SYNRG: variants seen among roughly 807,000 people sequenced by gnomAD.
SYNRG encodes synergin gamma.
Under a neutral mutation model 130.9 loss-of-function variants are expected in SYNRG, and 37 were observed. The ratio of observed to expected loss-of-function variants is 0.28; its 90% confidence interval spans 0.22 to 0.37. SYNRG has a LOEUF of 0.37. SYNRG is among the 10% of genes least tolerant of loss of function. The pLI is 1.00. For synonymous variants in SYNRG, 539 were observed against 568.1 expected (o/e 0.95, Z 0.73); for missense variants, 1,338 against 1,588.9 (o/e 0.84, Z 2.68).
chr17:37,588,595 T>C (rs1163656350), intron 3 of SYNRG, among the ~76,000 whole-genome samples: 2 of 152,216 alleles, frequency 1.3e-5, no homozygotes, highest in Non-Finnish European at 2.9e-5. Context: ...TTTCTAGCAC[T>C]GTACAACTGG....
At position 37,518,474 on chromosome 17, in the gene SYNRG, T is replaced by C. The variant is rs995059151; in HGVS notation, c.*466A>G. 5.8e-5 allele frequency: 9 copies of C among 154,980 alleles called. No homozygotes were observed. The highest frequency in any genetic ancestry group is 1.9e-4 in the African/African-American group (8 of 41,492). The allele number at this position is 154,980 out of a possible 1,614,324, so 9.6% of individuals were successfully genotyped here. A position where few individuals can be genotyped will look rare whatever the true frequency, so the allele number is the denominator to read the frequency against. On this transcript the variant is annotated 3_prime_UTR_variant, in exon 22 of 22. Transcript: ENST00000612223. ...GCAGAACATCAGTTTAATCGCAATT[T>C]CCTCTTTTTATTCATTTCAGACATT...
At chr17:37,586,581 C>A (rs1489388320) in intron 3 of SYNRG, 32 bp from the exon 4 acceptor site, 2 of 1,610,874 alleles carry the variant, frequency 1.2e-6, no homozygotes, top group East Asian at 2.2e-5. Flanking sequence ...TTAAAAAACA[C>A]AATTTATCCC....
At chr17:37,589,031 T>C (rs879562056) in intron 3 of SYNRG, among the ~76,000 whole-genome samples, 2 of 152,198 alleles carry the variant, frequency 1.3e-5, no homozygotes, top group Non-Finnish European at 2.9e-5. Context: ...TACTAGTCTT[T>C]AATTATATAC....
intron 13 of SYNRG, 118 bp from the exon 14 acceptor site, chr17:37,554,177 TTAA>T: frequency 1.2e-6 from 1 of 842,530 alleles, no homozygotes. Flanking sequence ...TTGACATTAC[TTAA>T]TAATGTTTAC....
intron 11 of SYNRG, among the ~76,000 whole-genome samples, chr17:37,565,381 T>C (rs1213608626): frequency 6.6e-6 from 1 of 152,030 alleles, no homozygotes; most frequent in East Asian, 1.9e-4. Context: ...AGTGGCGTGA[T>C]CTCGGCTCGC....
At chr17:37,554,167 T>C in intron 13 of SYNRG, 108 bp from the exon 14 acceptor site, 1 of 933,284 alleles carries the variant, frequency 1.1e-6, no homozygotes, top group Non-Finnish European at 1.6e-6. Context: ...CTCCACTGAC[T>C]TGACATTACT....
chr17:37,543,313 C>T (rs1222625805), intron 14 of SYNRG, among the ~76,000 whole-genome samples: 1 of 151,706 alleles, frequency 6.6e-6, no homozygotes, highest in African/African-American at 2.4e-5. Flanking sequence ...GTATCTACTC[C>T]CCATTTTTTA....
intron 14 of SYNRG, among the ~76,000 whole-genome samples, chr17:37,551,564 GA>G (rs962452606): frequency 1.1e-4 from 16 of 149,346 alleles, no homozygotes; most frequent in Admixed American, 3.3e-4. Context: ...TAAAATGGGG[GA>G]AAAAAAAAGA....
intron 3 of SYNRG, among the ~76,000 whole-genome samples, chr17:37,593,919 A>C (rs1381318859): frequency 1.3e-5 from 2 of 151,896 alleles, no homozygotes; most frequent in African/African-American, 4.8e-5. Flanking sequence ...TCCAAACAGT[A>C]TAATGCCTGT....
intron 2 of SYNRG, among the ~76,000 whole-genome samples, chr17:37,599,564 T>G (rs2063085269): frequency 6.6e-6 from 1 of 152,006 alleles, no homozygotes; most frequent in South Asian, 2.1e-4. Flanking sequence ...CTACAGAATA[T>G]TTAAAAATTA....
At chr17:37,556,221 G>A (rs557393083) in intron 13 of SYNRG, among the ~76,000 whole-genome samples, 3 of 152,142 alleles carry the variant, frequency 2.0e-5, no homozygotes, top group East Asian at 1.9e-4. Flanking sequence ...AGGCCAAGGC[G>A]GGTGGGTCAC....
Position 37,518,808 on chromosome 17 carries a change from C to T in SYNRG, c.*132G>A. 2.2e-6 allele frequency: 3 copies of T among 1,369,836 alleles called. No homozygotes were observed. In the Admixed American group the frequency reaches 7.2e-5, roughly 33 times the overall value. The allele number at this position is 1,369,836 out of a possible 1,614,324, so 84.9% of individuals were successfully genotyped here. Reference sequence around the variant, plus strand: ...ACTGGCCGTGGGGATGACGGGGGCCCCGTCCCTTGCGGTGTTCTTCATATC... The same window carrying T: ...ACTGGCCGTGGGGATGACGGGGGCCTCGTCCCTTGCGGTGTTCTTCATATC... On this transcript the variant is annotated 3_prime_UTR_variant, in exon 22 of 22. Coordinates refer to ENST00000612223, the MANE Select transcript of SYNRG (RefSeq NM_007247.6).
chr17:37,578,323 T>G (rs577904397), intron 6 of SYNRG, among the ~76,000 whole-genome samples: 1 of 150,826 alleles, frequency 6.6e-6, no homozygotes, highest in Non-Finnish European at 1.5e-5. Context: ...AGTGCAAGAC[T>G]CTGTCTCAAA....
intron 19 of SYNRG, among the ~76,000 whole-genome samples, chr17:37,524,805 A>T (rs2055626530): frequency 6.6e-6 from 1 of 152,200 alleles, no homozygotes; most frequent in African/African-American, 2.4e-5. Context: ...ACTTTGACGA[A>T]CTCTTAGCAA....
At chr17:37,607,955 CAAAA>C (rs67822733) in intron 1 of SYNRG, among the ~76,000 whole-genome samples, 3 of 51,126 alleles carry the variant, frequency 5.9e-5, no homozygotes, top group Non-Finnish European at 8.7e-5. Flanking sequence ...GACTTCCTCT[CAAAA>C]AAAAAAAAAA....
At chr17:37,535,899 C>T in intron 19 of SYNRG, 80 bp downstream of exon 19, 3 of 1,573,416 alleles carry the variant, frequency 1.9e-6, no homozygotes, top group East Asian at 2.2e-5. Context: ...TAATAAGTAC[C>T]ATCATAGGAA....
intron 19 of SYNRG, among the ~76,000 whole-genome samples, chr17:37,534,685 G>C (rs892885173): frequency 1.3e-5 from 2 of 151,710 alleles, no homozygotes; most frequent in African/African-American, 2.4e-5. Context: ...AATGAGAAGT[G>C]ATTCAAGGGA....
intron 11 of SYNRG, among the ~76,000 whole-genome samples, chr17:37,561,898 T>C (rs1225503422): frequency 1.7e-5 from 2 of 115,266 alleles, no homozygotes; most frequent in East Asian, 2.4e-4. Flanking sequence ...TGGAATGGCG[T>C]TGGAAGTAGA....
intron 14 of SYNRG, among the ~76,000 whole-genome samples, chr17:37,547,609 C>T (rs1356928737): frequency 5.3e-5 from 8 of 151,966 alleles, no homozygotes; most frequent in East Asian, 1.9e-4. Context: ...ATTACAGGCA[C>T]GAGCCACCAC....
Sources: allele counts gnomAD v4.1 joint callset (sites outside exome capture counted in the v4.1 genomes callset), GRCh38; gene constraint gnomAD v4.1.1; transcripts MANE v1.5; gene names NCBI Gene and HGNC (gene_info 2026-07-23, HGNC 2026-07-21).